Variants in DMBX1 observed in about 807,000 individuals in gnomAD.
DMBX1 encodes the protein diencephalon/mesencephalon homeobox 1.
In DMBX1, 7 loss-of-function variants were observed where a neutral mutation model predicts 30.4. The ratio of observed to expected loss-of-function variants is 0.23; its 90% CI spans 0.13 to 0.43. The LOEUF is 0.43. Among genes scored for constraint, DMBX1 ranks in the 20% least tolerant of loss-of-function variants. The pLI, the probability that DMBX1 is intolerant of heterozygous loss-of-function variation, is 1.00. For missense variants in DMBX1, 460 were observed against 508.5 expected, an observed-to-expected ratio of 0.90 and a Z score of 0.92; for synonymous variants, 222 against 214.2, an observed-to-expected ratio of 1.04 and a Z score of -0.32.
chr1:46,496,929 G>C (rs1666035674), intron 2 of DMBX1, among the ~76,000 whole-genome samples: 1 of 152,212 alleles, frequency 6.6e-6, no homozygotes, highest in South Asian at 2.1e-4. Flanking sequence ...CAAAGCAGGA[G>C]GGACGGTTGC....
chr1:46,490,449 G>C (rs1665908063), intron 1 of DMBX1, among the ~76,000 whole-genome samples, 195 bp from the exon 2 acceptor site: 2 of 152,190 alleles, frequency 1.3e-5, no homozygotes, highest in African/African-American at 4.8e-5. Context: ...GGAGGTGGCC[G>C]GCGTAATGCG....
Position 46,514,433 on chromosome 1 carries a change from T to C in DMBX1, c.*1939T>C, listed in dbSNP as rs993270992. ...AAGTAGGAAATTACTATTGCCTTTCTGTGGAGCAAGGGGTGTTGTACACAC... is the reference window on the plus strand; with the variant it reads ...AAGTAGGAAATTACTATTGCCTTTCCGTGGAGCAAGGGGTGTTGTACACAC... On this transcript the variant is annotated 3_prime_UTR_variant, in exon 6 of 6. Transcript: ENST00000360032. Among the ~76,000 whole-genome samples, 2 of 152,252 alleles carry C rather than the reference T, an allele frequency of 1.3e-5. No homozygotes were observed. Among genetic ancestry groups the C allele is most frequent in the African/African-American group, 4.8e-5 (2 of 41,468 alleles).
At position 46,504,219 on chromosome 1, in the gene DMBX1, T is replaced by A. The variant is rs566547757; in HGVS notation, c.-12-2780T>A. Among the ~76,000 whole-genome samples the A allele has an allele frequency of 3.4e-3, 511 of 151,234 alleles. 2 individuals carry two copies. The highest frequency in any genetic ancestry group is 0.011 in the African/African-American group (473 of 41,158). ...GCTGTGCAGAAGCTCTTTAGTTTAA[T>A]TAGATCCCATTTGTCAATTTTGGCT... On this transcript the variant is annotated intron_variant, in intron 2 of 5. Transcript: ENST00000360032.
rs756228749 is a variant in DMBX1, at chr1:46,510,537, G to A, written c.216G>A (p.Ala72=). The change falls in exon 4 of 6, where the codon GCG becomes GCA. Residue 72 remains alanine (A), a synonymous_variant. Coordinates refer to ENST00000360032, the MANE Select transcript of DMBX1 (RefSeq NM_172225.2). This position sits in a 1 kb window ranked among gnomAD's most constrained non-coding sequence, Gnocchi z 4.1. ...QHRKQRRSRT[A]FTAQQLEALE... The stretch of plus-strand genomic sequence containing the variant: ...GCAAACAACGTCGCAGCCGCACAGC[G>A]TTCACGGCTCAGCAGCTCGAGGCCC... The A allele has an allele frequency of 1.9e-6, 3 of 1,614,144 alleles. No homozygotes were observed. Among genetic ancestry groups the A allele is most frequent in the Middle Eastern group, 1.6e-4 (1 of 6,062 alleles).
At chr1:46,506,273 GT>G (rs1283054201) in intron 2 of DMBX1, among the ~76,000 whole-genome samples, 1 of 152,188 alleles carries the variant, frequency 6.6e-6, no homozygotes, top group East Asian at 1.9e-4. Context: ...GGCCAGGCTG[GT>G]CTCAAACTCC....
Position 46,514,038 on chromosome 1 carries a change from A to C in DMBX1, c.*1544A>C, listed in dbSNP as rs1262341513. ...GGAGTTCAAGACCAGCCTGGCTAAC[A>C]TGTGAAACTAATAATAATACAAAAA... is the stretch of plus-strand genomic sequence containing the variant. On this transcript the variant is annotated 3_prime_UTR_variant, in exon 6 of 6. Transcript: ENST00000360032. 6.6e-6 allele frequency: 1 copy of C among 152,196 alleles called. No individual in the cohort carries two copies. Among genetic ancestry groups the C allele is most frequent in the African/African-American group, 2.4e-5 (1 of 41,464 alleles). The allele number at this position is 152,196 out of a possible 1,614,324, so 9.4% of individuals were successfully genotyped here.
intron 2 of DMBX1, among the ~76,000 whole-genome samples, chr1:46,502,359 C>CTT (rs11447451): frequency 0.62 from 92,017 of 149,398 alleles, 28,478 homozygotes; most frequent in African/African-American, 0.68. Flanking sequence ...CTGAGTTATC[C>CTT]TTTTTTTTTT....
intron 5 of DMBX1, 68 bp downstream of exon 5, chr1:46,511,351 G>A: frequency 1.4e-6 from 2 of 1,422,984 alleles, no homozygotes; most frequent in Non-Finnish European, 1.9e-6. Flanking sequence ...GCAAGTCAGA[G>A]GCGAGTAATC....
In DMBX1 at chr1:46,512,358, C is replaced by T. The variant is rs576300571; in HGVS notation, c.998C>T (p.Pro333Leu). Reference sequence around the variant, plus strand: ...GCCCACCAGGGTGTGTGGGGGTCTCCTCTGCTGCCTGCACCCCCAGCAGGC... The same window carrying T: ...GCCCACCAGGGTGTGTGGGGGTCTCTTCTGCTGCCTGCACCCCCAGCAGGC... ...AAAHQGVWGS[P>L]LLPAPPAGLA... Residue 333 changes from proline (P) to leucine (L), a missense_variant, in exon 6 of 6, where the codon CCT becomes CTT. By Grantham distance (98) the Pro-to-Leu change is moderately conservative. Coordinates refer to ENST00000360032, the MANE Select transcript of DMBX1 (RefSeq NM_172225.2). This position sits in a 1 kb window ranked among gnomAD's most constrained non-coding sequence, Gnocchi z 4.8. 6.2e-7 allele frequency: 1 copy of T among 1,614,050 alleles called. No individual in the cohort carries two copies. Among genetic ancestry groups the T allele is most frequent in the Admixed American group, 1.7e-5 (1 of 60,024 alleles).
chr1:46,502,662 G>C (rs1666159701), intron 2 of DMBX1, among the ~76,000 whole-genome samples: 1 of 152,130 alleles, frequency 6.6e-6, no homozygotes, highest in Admixed American at 6.5e-5. Flanking sequence ...CAAGGCAGGA[G>C]GACTGCTTGA....
Position 46,514,710 on chromosome 1 carries a change from G to A in DMBX1, c.*2216G>A, listed in dbSNP as rs528735121. On this transcript the variant is annotated 3_prime_UTR_variant, in exon 6 of 6. Coordinates refer to ENST00000360032, the MANE Select transcript of DMBX1 (RefSeq NM_172225.2). ...CCTGCTTAAAGAAGTTGATCTATCT[G>A]AAAGCCAGGGTAAAGATTGCTAAGG... 6.6e-6 allele frequency among the ~76,000 whole-genome samples: 1 copy of A among 152,302 alleles called. No homozygotes were observed. Among genetic ancestry groups the A allele is most frequent in the South Asian group, 2.1e-4 (1 of 4,828 alleles).
chr1:46,494,577 C>A (rs1210687653), intron 2 of DMBX1, among the ~76,000 whole-genome samples: 1 of 152,090 alleles, frequency 6.6e-6, no homozygotes, highest in Admixed American at 6.5e-5. Context: ...GCCCTGAGAC[C>A]CACCGGGACC....
At chr1:46,501,369 C>T (rs1301161278) in intron 2 of DMBX1, among the ~76,000 whole-genome samples, 1 of 151,826 alleles carries the variant, frequency 6.6e-6, no homozygotes, top group Non-Finnish European at 1.5e-5. Context: ...CAACCTCCAC[C>T]TTCCGGGTTC....
Position 46,509,817 on chromosome 1 carries a change from C to T in DMBX1, c.155-659C>T, listed in dbSNP as rs565370622. Among the ~76,000 whole-genome samples, 69 of 152,262 alleles carry T rather than the reference C, an allele frequency of 4.5e-4. 1 individual carries two copies. The highest frequency in any genetic ancestry group is 2.7e-3 in the Admixed American group (41 of 15,294). On this transcript the variant is annotated intron_variant, in intron 3 of 5. Coordinates refer to ENST00000360032, the MANE Select transcript of DMBX1 (RefSeq NM_172225.2). ...TGAGCCCTGCCACCCCCACCCTCCC[C>T]GCTCCACTCTTACCCCTTAGCCAGG...
chr1:46,510,352 C>T lies in DMBX1; in HGVS notation c.155-124C>T. 8.0e-7 allele frequency: 1 copy of T among 1,251,984 alleles called. No homozygotes were observed. The highest frequency in any genetic ancestry group is 1.1e-6 in the Non-Finnish European group (1 of 921,994). The allele number at this position is 1,251,984 out of a possible 1,614,324, so 77.6% of individuals were successfully genotyped here. A position where few individuals can be genotyped will look rare whatever the true frequency, so the allele number is the denominator to read the frequency against. ...ATGGCTGATTTCTAAGGGTAAGGGA[C>T]CAGGGCCAGCTCTGGCAGCAGCCTG... On this transcript the variant is annotated intron_variant, in intron 3 of 5. Transcript: ENST00000360032. This position sits in a 1 kb window ranked among gnomAD's most constrained non-coding sequence, Gnocchi z 4.1.
chr1:46,496,791 G>A (rs567098390), intron 2 of DMBX1, among the ~76,000 whole-genome samples: 1 of 152,230 alleles, frequency 6.6e-6, no homozygotes, highest in South Asian at 2.1e-4. Context: ...GGTCAGAGAT[G>A]GTAGGACGCT....
intron 2 of DMBX1, among the ~76,000 whole-genome samples, chr1:46,494,881 A>G (rs11211292): frequency 0.045 from 6,823 of 152,262 alleles, 419 homozygotes; most frequent in East Asian, 0.23. Flanking sequence ...CAGGCAATGC[A>G]GGGTTAACGG....
Position 46,498,003 on chromosome 1 carries a change from G to A in DMBX1, c.-13+7220G>A, listed in dbSNP as rs1276731496. ...AGTGGACTGAGCCCAGGCAGGGCCC[G>A]GCCTGGGGCCAAGAGTGCAGGGCCT... On this transcript the variant is annotated intron_variant, in intron 2 of 5. Coordinates refer to ENST00000360032, the MANE Select transcript of DMBX1 (RefSeq NM_172225.2). 2.6e-5 allele frequency among the ~76,000 whole-genome samples: 4 copies of A among 152,308 alleles called. No homozygotes were observed. The East Asian group carries it at 7.7e-4, about 29-fold the overall frequency.
rs1037274883 is a variant in DMBX1 at position 46,506,982 on chromosome 1, C to A, written c.-12-17C>A. ...GATAGGCCTGCCTCATGGCCCCTCT[C>A]CCTTTTCCGTCTGTAGGCGGATGCC... On this transcript the variant is annotated splice_polypyrimidine_tract_variant and intron_variant, in intron 2 of 5. Coordinates refer to ENST00000360032, the MANE Select transcript of DMBX1 (RefSeq NM_172225.2). 6.2e-7 allele frequency: 1 copy of A among 1,612,636 alleles called. No individual in the cohort carries two copies. Among genetic ancestry groups the A allele is most frequent in the Non-Finnish European group, 8.5e-7 (1 of 1,179,004 alleles).
Sources: gnomAD v4.1 joint callset for allele counts (sites outside exome capture counted in the v4.1 genomes callset) on GRCh38, gnomAD v4.1.1 for gene constraint, Gnocchi (gnomAD v3.1) non-coding constraint, MANE v1.5 for transcripts, NCBI Gene and HGNC (gene_info 2026-07-23, HGNC 2026-07-21) for gene names.